The following MAGI2 variants were observed in gnomAD, a reference collection of about 807,000 sequenced individuals.
The protein encoded by MAGI2 is membrane associated guanylate kinase, WW and PDZ domain containing 2.
In MAGI2, 35 loss-of-function variants were observed where a neutral mutation model predicts 133.3. That is an observed-to-expected ratio of 0.26 (90% CI 0.20 to 0.35). The LOEUF (loss-of-function observed/expected upper bound fraction) is 0.35. MAGI2 is among the 10% of genes least tolerant of loss of function. The pLI, the probability that MAGI2 is intolerant of heterozygous loss-of-function variation, is 1.00. For synonymous variants in MAGI2, 729 were observed against 710.6 expected (o/e 1.03, Z -0.41); for missense variants, 1,636 against 1,863.4 (o/e 0.88, Z 2.25).
At chr7:79,139,661 T>C (rs1821933981) in intron 1 of MAGI2, among the ~76,000 whole-genome samples, 1 of 152,070 alleles carries the variant, frequency 6.6e-6, no homozygotes, top group Admixed American at 6.6e-5. Flanking sequence ...TAACTGGGAG[T>C]ACTATACACG....
chr7:79,337,136 C>T (rs1425944275), intron 1 of MAGI2, among the ~76,000 whole-genome samples: 2 of 152,110 alleles, frequency 1.3e-5, no homozygotes, highest in African/African-American at 4.8e-5. Context: ...AAAATCATGA[C>T]ATCTGAAATT....
chr7:79,344,944 CTT>C (rs1841198520), intron 1 of MAGI2, among the ~76,000 whole-genome samples: 2 of 152,010 alleles, frequency 1.3e-5, no homozygotes, highest in Admixed American at 1.3e-4. Context: ...ACTTCCCTGT[CTT>C]TAATTTCTCT....
At chr7:78,901,660 A>G (rs1050476149) in intron 2 of MAGI2, 1 of 138,922 alleles carries the variant, frequency 7.2e-6, no homozygotes, top group Non-Finnish European at 1.6e-5. Flanking sequence ...AGCCATGCTC[A>G]AATGAAATAT....
chr7:78,587,796 A>G (rs1180328918), intron 3 of MAGI2, among the ~76,000 whole-genome samples: 3 of 152,238 alleles, frequency 2.0e-5, no homozygotes, highest in African/African-American at 7.2e-5. Context: ...ATTCAAGGCA[A>G]TTTTACCAAC....
At chr7:78,122,271 G>A (rs757596091) in intron 20 of MAGI2, among the ~76,000 whole-genome samples, 17 of 152,024 alleles carry the variant, frequency 1.1e-4, no homozygotes, top group Non-Finnish European at 2.2e-4. Flanking sequence ...CTTGTAAATC[G>A]TTTTATGTTT....
intron 1 of MAGI2, among the ~76,000 whole-genome samples, chr7:79,217,566 A>G (rs914027205): frequency 2.0e-5 from 3 of 152,036 alleles, no homozygotes; most frequent in Admixed American, 6.5e-5. Flanking sequence ...TGTCTTATCT[A>G]TATTTAAAAA....
At chr7:78,246,955 TCTATCCA>T (rs1791859468) in intron 10 of MAGI2, among the ~76,000 whole-genome samples, 9 of 152,140 alleles carry the variant, frequency 5.9e-5, no homozygotes, top group Non-Finnish European at 1.3e-4. Context: ...GTGGGCAATC[TCTATCCA>T]ACTCTGCCTC....
At chr7:79,171,770 A>ATATATATATATATATT in intron 1 of MAGI2, among the ~76,000 whole-genome samples, 4 of 31,220 alleles carry the variant, frequency 1.3e-4, no homozygotes, top group Admixed American at 4.0e-4. Flanking sequence ...ATATATATAT[A>ATATATATATATATATT]TTTTTTTTTT....
At chr7:78,304,765 A>G (rs1475002060) in intron 9 of MAGI2, among the ~76,000 whole-genome samples, 2 of 152,178 alleles carry the variant, frequency 1.3e-5, no homozygotes, top group Non-Finnish European at 2.9e-5. Flanking sequence ...AGTGGTTGCT[A>G]CTTTAATAAT....
At chr7:79,375,705 T>C (rs1843334497) in intron 1 of MAGI2, among the ~76,000 whole-genome samples, 1 of 151,816 alleles carries the variant, frequency 6.6e-6, no homozygotes. Flanking sequence ...ACAAGAAACA[T>C]TGAGGAATGC....
At chr7:78,229,363 C>T (rs576189103) in intron 10 of MAGI2, among the ~76,000 whole-genome samples, 65 of 152,286 alleles carry the variant, frequency 4.3e-4, no homozygotes, top group African/African-American at 1.4e-3. Flanking sequence ...CAAGTGAACA[C>T]CAAGATTTGA....
At chr7:78,289,844 C>T (rs1796520276) in intron 9 of MAGI2, among the ~76,000 whole-genome samples, 1 of 152,098 alleles carries the variant, frequency 6.6e-6, no homozygotes, top group Admixed American at 6.5e-5. Context: ...TCATCTCCAG[C>T]CCAACTAAGC....
intron 2 of MAGI2, among the ~76,000 whole-genome samples, chr7:78,773,231 T>A (rs1005419841): frequency 1.3e-5 from 2 of 151,914 alleles, no homozygotes; most frequent in Non-Finnish European, 2.9e-5. Flanking sequence ...AGAGACTTGA[T>A]GAACATGGAA....
At chr7:78,447,619 G>T (rs936287028) in intron 6 of MAGI2, among the ~76,000 whole-genome samples, 2 of 152,074 alleles carry the variant, frequency 1.3e-5, no homozygotes, top group African/African-American at 4.8e-5. Flanking sequence ...TGGGCAAGTT[G>T]ACTAGCTCAC....
chr7:79,106,494 G>A (rs1818463902), intron 1 of MAGI2, among the ~76,000 whole-genome samples: 1 of 152,082 alleles, frequency 6.6e-6, no homozygotes, highest in Admixed American at 6.5e-5. Flanking sequence ...ATTGAATCAG[G>A]AAGAAAAATA....
At chr7:78,600,627 GA>G (rs1486237784) in intron 3 of MAGI2, among the ~76,000 whole-genome samples, 1 of 152,038 alleles carries the variant, frequency 6.6e-6, no homozygotes, top group African/African-American at 2.4e-5. Context: ...ATTCACAGGG[GA>G]AAAGGGCATA....
intron 1 of MAGI2, among the ~76,000 whole-genome samples, chr7:79,327,378 A>T (rs1224437685): frequency 1.3e-5 from 2 of 152,156 alleles, no homozygotes; most frequent in African/African-American, 4.8e-5. Context: ...GACAGAGTAG[A>T]TGAAGTGCCC....
intron 6 of MAGI2, among the ~76,000 whole-genome samples, chr7:78,377,044 T>C (rs1002121432): frequency 6.6e-6 from 1 of 152,148 alleles, no homozygotes; most frequent in Non-Finnish European, 1.5e-5. Context: ...CCCATCCAAC[T>C]ATTTATCATC....
At chr7:79,378,691 T>C (rs1418509134) in intron 1 of MAGI2, among the ~76,000 whole-genome samples, 1 of 151,496 alleles carries the variant, frequency 6.6e-6, no homozygotes, top group Non-Finnish European at 1.5e-5. Flanking sequence ...AATCACAAAG[T>C]ATATTGTTAA....
Sources: gnomAD v4.1 joint callset for allele counts (sites outside exome capture counted in the v4.1 genomes callset) on GRCh38, gnomAD v4.1.1 for gene constraint, MANE v1.5 for transcripts, NCBI Gene and HGNC (gene_info 2026-07-23, HGNC 2026-07-21) for gene names.